ITGA3: variants seen among roughly 807,000 people sequenced by gnomAD.
The protein encoded by ITGA3 is integrin subunit alpha 3.
In ITGA3, 70 loss-of-function variants were observed where a neutral mutation model predicts 131.1. The ratio of observed to expected loss-of-function variants is 0.53; its 90% CI spans 0.44 to 0.65. The LOEUF (loss-of-function observed/expected upper bound fraction) is 0.65. Among genes scored for constraint, ITGA3 ranks in the 30% least tolerant of loss-of-function variants. The pLI, the probability that ITGA3 is intolerant of heterozygous loss-of-function variation, is 0.00. For missense variants in ITGA3, 1,098 were observed against 1,388.6 expected (o/e 0.79, Z 3.33); for synonymous variants, 537 against 571.6 (o/e 0.94, Z 0.86).
In ITGA3 at chr17:50,078,220, G is replaced by A. The variant is rs369201492; in HGVS notation, c.2233G>A (p.Asp745Asn). 6.1e-5 allele frequency: 99 copies of A among 1,613,856 alleles called. No homozygotes were observed. The highest frequency in any genetic ancestry group is 8.3e-5 in the Non-Finnish European group (98 of 1,179,968). Residue 745 changes from aspartate (D) to asparagine (N), a missense_variant, in exon 18 of 26, where the codon GAC (aspartate) becomes AAC (asparagine). By Grantham distance (23) the Asp-to-Asn change is conservative. Transcript: ENST00000320031. The part of the protein sequence containing the change: ...QLQLSTSSHQ[D>N]NLWPMILTLL... Reference sequence around the variant, plus strand: ...TTTCCTCCCAAGGTCGAGTCACCAGGACAACCTGTGGCCCATGATCCTCAC... The same window carrying A: ...TTTCCTCCCAAGGTCGAGTCACCAGAACAACCTGTGGCCCATGATCCTCAC...
At chr17:50,087,676 G>A in intron 23 of ITGA3, 68 bp from the exon 24 acceptor site, 1 of 1,532,384 alleles carries the variant, frequency 6.5e-7, no homozygotes, top group Non-Finnish European at 8.9e-7. Context: ...GGCCCAGCTA[G>A]GATAGGAAGG....
At position 50,056,639 on chromosome 17, in the gene ITGA3, G is replaced by C. The variant is rs540556912; in HGVS notation, c.200G>C (p.Arg67Pro). Residue 67 changes from arginine to proline, a missense_variant, in exon 1 of 26, where the codon CGC becomes CCC. By Grantham distance (103) the Arg-to-Pro change is moderately radical (BLOSUM62 -2). Transcript: ENST00000320031. The surrounding 1 kb of genome is among the most constrained non-coding windows in gnomAD (Gnocchi z 5.6). Reference protein sequence around the residue: ...ALHRQTERQQRYLLLAGAPRE... With the variant: ...ALHRQTERQQPYLLLAGAPRE... ...CATCGGCAGACAGAGCGGCAGCAGC[G>C]CTACCTGTAAGTGAAGCTGGAGGGT... 3 of 1,599,348 alleles carry C rather than the reference G, an allele frequency of 1.9e-6. No individual in the cohort carries two copies. The highest frequency in any genetic ancestry group is 2.3e-5 in the South Asian group (2 of 88,494).
chr17:50,080,921 T>C (rs1909160289), intron 22 of ITGA3, among the ~76,000 whole-genome samples: 1 of 152,154 alleles, frequency 6.6e-6, no homozygotes, highest in Admixed American at 6.5e-5. Flanking sequence ...TGGCGGGCCA[T>C]AGAGTTTCTG....
intron 1 of ITGA3, among the ~76,000 whole-genome samples, chr17:50,062,849 G>A (rs1195128749): frequency 6.6e-6 from 1 of 152,228 alleles, no homozygotes; most frequent in Non-Finnish European, 1.5e-5. Flanking sequence ...AAATGGTGGG[G>A]CACCTGGGAG....
In ITGA3 at chr17:50,090,470, T is replaced by G. The variant is rs1002412920; in HGVS notation, c.*1392T>G. 12 of 232,048 alleles carry G rather than the reference T, an allele frequency of 5.2e-5. No homozygotes were observed. Among genetic ancestry groups the G allele is most frequent in the Admixed American group, 4.3e-4 (9 of 20,856 alleles). The allele number at this position is 232,048 out of a possible 1,614,324, so 14.4% of individuals were successfully genotyped here. A position where few individuals can be genotyped will look rare whatever the true frequency, so the allele number is the denominator to read the frequency against. Reference sequence around the variant, plus strand: ...CTTCTCACGGCGACCAATAAACAGCTCCCAGTTTGTATGCAGCTGCATCTG... The same window carrying G: ...CTTCTCACGGCGACCAATAAACAGCGCCCAGTTTGTATGCAGCTGCATCTG... On this transcript the variant is annotated 3_prime_UTR_variant, in exon 26 of 26. Coordinates refer to ENST00000320031, the MANE Select transcript of ITGA3 (RefSeq NM_002204.4).
intron 23 of ITGA3, among the ~76,000 whole-genome samples, chr17:50,082,841 T>A (rs1909243785): frequency 6.6e-6 from 1 of 150,678 alleles, no homozygotes; most frequent in Non-Finnish European, 1.5e-5. Context: ...AATATTGTAT[T>A]ATCAAGTTGT....
rs116423743 is a variant in ITGA3, at chr17:50,058,816, G to A, written c.206+2171G>A. 6.2e-3 allele frequency among the ~76,000 whole-genome samples: 944 copies of A among 152,328 alleles called. 8 individuals carry two copies. Among genetic ancestry groups the A allele is most frequent in the African/African-American group, 0.021 (886 of 41,564 alleles). ...ACTCAGAGGAACTAACTAGTAAGAC[G>A]AGCTGCAGCCTCATATTCTGTTAGC... On this transcript the variant is annotated intron_variant, in intron 1 of 25. Transcript: ENST00000320031.
At chr17:50,059,543 G>A (rs1044693044) in intron 1 of ITGA3, among the ~76,000 whole-genome samples, 6 of 152,160 alleles carry the variant, frequency 3.9e-5, no homozygotes, top group East Asian at 1.9e-4. Flanking sequence ...TTCAAGGTTC[G>A]TGCCAGCAGA....
In ITGA3 at chr17:50,075,605, C is replaced by G; in HGVS notation, c.1544C>G (p.Ala515Gly). ...NPNYRRNITLAYTLEADRDRR... is the reference protein window; with the variant it reads ...NPNYRRNITLGYTLEADRDRR... Reference sequence around the variant, plus strand: ...CCACCCTGTCTACCTGTAGCCCTGGCCTACACTCTGGAGGCTGACAGGGAC... The same window carrying G: ...CCACCCTGTCTACCTGTAGCCCTGGGCTACACTCTGGAGGCTGACAGGGAC... Residue 515 changes from alanine to glycine, a missense_variant, in exon 12 of 26, where the codon GCC (alanine) becomes GGC (glycine). By Grantham distance (60) the Ala-to-Gly change is moderately conservative (BLOSUM62 0). Around this residue, in one of 3 missense-constraint regions of ITGA3, gnomAD observed 699 missense variants for 829.2 expected, o/e 0.84. Transcript: ENST00000320031. 2 of 1,614,240 alleles carry G rather than the reference C, an allele frequency of 1.2e-6. No homozygotes were observed. Among genetic ancestry groups the G allele is most frequent in the Non-Finnish European group, 1.7e-6 (2 of 1,180,044 alleles).
chr17:50,086,711 C>G (rs1189464728), intron 23 of ITGA3: 1 of 138,410 alleles, frequency 7.2e-6, no homozygotes, highest in Non-Finnish European at 1.6e-5. Flanking sequence ...AAAAAAACCT[C>G]ATATACACAC....
chr17:50,076,725 C>T, intron 14 of ITGA3, 44 bp downstream of exon 14: 1 of 1,036,470 alleles, frequency 9.6e-7, no homozygotes, highest in Non-Finnish European at 1.5e-6. Context: ...AAGGGTGGGA[C>T]GGGGCCTCAT....
chr17:50,076,983 C>G lies in ITGA3; in HGVS notation c.1932C>G (p.Tyr644Ter). The G allele has an allele frequency of 1.2e-6, 2 of 1,609,374 alleles. No homozygotes were observed. The highest frequency in any genetic ancestry group is 1.7e-6 in the Non-Finnish European group (2 of 1,177,082). The change falls in exon 15 of 26, where the codon TAC becomes TAG. Residue 644 changes from tyrosine to a stop codon, truncating the protein, a stop_gained. Coordinates refer to ENST00000320031, the MANE Select transcript of ITGA3 (RefSeq NM_002204.4). LOFTEE classifies it high-confidence loss of function. ...EQQQKLSRLQ[Y>*]SRDVRKLLLS... is the part of the protein sequence containing the mutation. ...GGGCTCCTGCTCTCAGGCTCCAGTA[C>G]AGCAGAGACGTCCGGAAATTGCTCC...
At chr17:50,082,961 T>G (rs1045986593) in intron 23 of ITGA3, among the ~76,000 whole-genome samples, 3 of 152,194 alleles carry the variant, frequency 2.0e-5, no homozygotes, top group African/African-American at 7.2e-5. Flanking sequence ...ATAAAATTGC[T>G]AATAATTTGT....
rs1909669835 is a variant in ITGA3, at chr17:50,090,473, C to T, written c.*1395C>T. 4.3e-6 allele frequency: 1 copy of T among 235,270 alleles called. No homozygotes were observed. Among genetic ancestry groups the T allele is most frequent in the African/African-American group, 2.3e-5 (1 of 44,270 alleles). 14.6% of individuals were successfully genotyped at this position (235,270 alleles called of 1,614,324 possible). A position where few individuals can be genotyped will look rare whatever the true frequency, so the allele number is the denominator to read the frequency against. On this transcript the variant is annotated 3_prime_UTR_variant, in exon 26 of 26. Coordinates refer to ENST00000320031, the MANE Select transcript of ITGA3 (RefSeq NM_002204.4). ...CTCACGGCGACCAATAAACAGCTCC[C>T]AGTTTGTATGCAGCTGCATCTGCTT...
intron 3 of ITGA3, chr17:50,065,830 GAGACC>G (rs1266366551): frequency 6.6e-6 from 1 of 152,004 alleles, no homozygotes; most frequent in African/African-American, 2.4e-5. Context: ...TCAGAAGTTC[GAGACC>G]AGCCTGGCCA....
At chr17:50,082,285 T>C (rs1598196530) in intron 23 of ITGA3, among the ~76,000 whole-genome samples, 1 of 152,146 alleles carries the variant, frequency 6.6e-6, no homozygotes, top group Admixed American at 6.5e-5. Context: ...TTCATGCCAT[T>C]CTCCTGCCTT....
Position 50,056,815 on chromosome 17 carries a change from G to A in ITGA3, c.206+170G>A, listed in dbSNP as rs1341487247. 2.0e-5 allele frequency among the ~76,000 whole-genome samples: 3 copies of A among 152,130 alleles called. No individual in the cohort carries two copies. ...GAAGTGGAGGATTGGGTGTGGGGTC[G>A]GGCAGTAATCATTGGCAAGTGCTGA... On this transcript the variant is annotated intron_variant, in intron 1 of 25. Transcript: ENST00000320031. The surrounding 1 kb of genome is among the most constrained non-coding windows in gnomAD (Gnocchi z 5.6).
chr17:50,075,414 T>A (rs1456313752), intron 10 of ITGA3, 45 bp from the exon 11 acceptor site: 1 of 1,593,334 alleles, frequency 6.3e-7, no homozygotes, highest in Admixed American at 1.7e-5. Flanking sequence ...GGCCTGGACG[T>A]GTGTGTCCCA....
rs1029792279 is a variant in ITGA3, at chr17:50,056,777, T to C, written c.206+132T>C. 13 of 906,624 alleles carry C rather than the reference T, an allele frequency of 1.4e-5. No individual in the cohort carries two copies. The highest frequency in any genetic ancestry group is 2.0e-5 in the Non-Finnish European group (12 of 611,244). 56.2% of individuals were successfully genotyped at this position (906,624 alleles called of 1,614,324 possible). ...GATTAAGGGGCGGCCCTCTGGCTGC[T>C]GGGGGTTGGCGGGAAGTGGAGGATT... On this transcript the variant is annotated intron_variant, in intron 1 of 25. Transcript: ENST00000320031. This position sits in a 1 kb window ranked among gnomAD's most constrained non-coding sequence, Gnocchi z 5.6.
Sources: allele counts gnomAD v4.1 joint callset (sites outside exome capture counted in the v4.1 genomes callset), GRCh38; gene constraint gnomAD v4.1.1; regional missense constraint gnomAD v4.1.1; non-coding constraint Gnocchi (gnomAD v3.1); transcripts MANE v1.5; gene names NCBI Gene and HGNC (gene_info 2026-07-23, HGNC 2026-07-21).